The following DAB1 variants were observed in gnomAD, a reference collection of about 807,000 sequenced individuals.
DAB1 encodes DAB adaptor protein 1.
In DAB1, 15 loss-of-function variants were observed where a neutral mutation model predicts 64.6. That is an observed-to-expected ratio of 0.23 (90% confidence interval 0.16 to 0.36). The LOEUF is 0.36. Ranked by LOEUF, DAB1 falls within the 10% of genes least tolerant of loss-of-function variation. The probability of loss-of-function intolerance (pLI) is 1.00; values close to 1 mark genes in which losing one functional copy is unlikely to be tolerated. For missense variants in DAB1, 596 were observed against 706.7 expected, an observed-to-expected ratio of 0.84 and a Z score of 1.78; for synonymous variants, 235 against 251.9, an observed-to-expected ratio of 0.93 and a Z score of 0.64.
At chr1:58,269,070 T>C (rs1240029585) in intron 4 of DAB1, among the ~76,000 whole-genome samples, 2 of 151,602 alleles carry the variant, frequency 1.3e-5, no homozygotes, top group Non-Finnish European at 2.9e-5. Context: ...TTGTGCAGGT[T>C]AGTTACATAT....
intron 1 of DAB1, among the ~76,000 whole-genome samples, chr1:57,322,423 G>A (rs1273000265): frequency 6.6e-6 from 1 of 152,120 alleles, no homozygotes. Flanking sequence ...ATCAAGCTGA[G>A]TCTTCCCCAT....
In DAB1 at chr1:58,296,161, A is replaced by AG. The variant is rs1553173564; in HGVS notation, n.309+47190dup. 1.1e-3 allele frequency among the ~76,000 whole-genome samples: 115 copies of AG among 102,636 alleles called. 8 individuals carry two copies. The highest frequency in any genetic ancestry group is 1.6e-3 in the Admixed American group (15 of 9,404). The allele number at this position is 102,636 out of a possible 152,430, so 67.3% of individuals were successfully genotyped here. On this transcript the variant is annotated intron_variant and non_coding_transcript_variant, in intron 4 of 20. Transcript: ENST00000485760. ...AAGAAAGGAAAGAAAGAAAAAAGAA[A>AG]GAAAGAAAGAAAAAAGAAAGAAAGA... is the stretch of plus-strand genomic sequence containing the variant.
chr1:57,226,672 A>AATATATATATATATATAT (rs61660460), intron 2 of DAB1, among the ~76,000 whole-genome samples: 3 of 136,010 alleles, frequency 2.2e-5, no homozygotes, highest in Admixed American at 7.2e-5. Flanking sequence ...TTAAAAAAAA[A>AATATATATATATATATAT]ATATATATAT....
chr1:58,414,039 G>A (rs76973136), intron 3 of DAB1, among the ~76,000 whole-genome samples: 1,640 of 152,310 alleles, frequency 0.011, 35 homozygotes, highest in African/African-American at 0.037. Context: ...ATAGGCAATT[G>A]TAATACAGTG....
chr1:58,480,879 A>C (rs1164885993), intron 3 of DAB1: 1 of 684,996 alleles, frequency 1.5e-6, no homozygotes, highest in Non-Finnish European at 2.4e-6. Flanking sequence ...TTTTTTTTTC[A>C]CTTCAAACAT....
At chr1:57,192,898 T>TAGAAC (rs1473359445) in intron 2 of DAB1, among the ~76,000 whole-genome samples, 1 of 152,244 alleles carries the variant, frequency 6.6e-6, no homozygotes, top group African/African-American at 2.4e-5. Context: ...AATCTAATTC[T>TAGAAC]AGAACATTTC....
chr1:58,288,727 T>G (rs1661749910), intron 4 of DAB1, among the ~76,000 whole-genome samples: 1 of 152,212 alleles, frequency 6.6e-6, no homozygotes, highest in Admixed American at 6.5e-5. Context: ...CCTTATATTT[T>G]TGCTTCCCAT....
At chr1:58,123,971 T>C (rs1468154140) in intron 5 of DAB1, among the ~76,000 whole-genome samples, 3 of 152,038 alleles carry the variant, frequency 2.0e-5, no homozygotes, top group Non-Finnish European at 2.9e-5. Context: ...ATTATATGAA[T>C]TGTAGAAATG....
At chr1:58,381,917 ACC>A (rs1644393383) in intron 3 of DAB1, among the ~76,000 whole-genome samples, 3 of 152,124 alleles carry the variant, frequency 2.0e-5, no homozygotes, top group African/African-American at 7.2e-5. Context: ...ACTGAATGAC[ACC>A]ATCAAAGAAG....
chr1:58,125,629 G>A (rs1032020889), intron 5 of DAB1, among the ~76,000 whole-genome samples: 26 of 151,634 alleles, frequency 1.7e-4, no homozygotes, highest in South Asian at 2.1e-4. Flanking sequence ...AATGTTTTGC[G>A]GAGACAAGGT....
intron 1 of DAB1, among the ~76,000 whole-genome samples, chr1:57,359,811 A>G (rs1679403620): frequency 6.6e-6 from 1 of 152,118 alleles, no homozygotes; most frequent in African/African-American, 2.4e-5. Flanking sequence ...GCAGGACATC[A>G]TGTTAAGTGA....
intron 1 of DAB1, among the ~76,000 whole-genome samples, chr1:57,835,892 C>T (rs892811160): frequency 2.6e-5 from 4 of 152,180 alleles, no homozygotes; most frequent in Non-Finnish European, 4.4e-5. Flanking sequence ...TGCCCCATGA[C>T]GTTCATTAAC....
intron 2 of DAB1, among the ~76,000 whole-genome samples, chr1:57,253,531 A>T (rs1225570121): frequency 6.6e-6 from 1 of 152,168 alleles, no homozygotes; most frequent in Admixed American, 6.5e-5. Context: ...GAGAGTCCAG[A>T]GATAACGAAG....
chr1:57,328,671 A>G (rs1676389367), intron 1 of DAB1, among the ~76,000 whole-genome samples: 1 of 152,192 alleles, frequency 6.6e-6, no homozygotes, highest in Admixed American at 6.5e-5. Context: ...GGGAAGTGCC[A>G]TGCCATGATT....
chr1:57,025,981 G>A lies in DAB1; in HGVS notation c.786C>T (p.Pro262=), dbSNP rs138352976. ...MSTPPDITSP[P]TPATPGDAFI... Reference sequence around the variant, plus strand: ...GGTTCAGAGAGCAATGCATACTTACGGGGGGAGAGGTTATATCAGGGGGTG... The same window carrying A: ...GGTTCAGAGAGCAATGCATACTTACAGGGGGAGAGGTTATATCAGGGGGTG... Residue 262 remains proline, a splice_region_variant and synonymous_variant, in exon 10 of 15, where the codon CCC becomes CCT. Coordinates refer to ENST00000371236, the MANE Select transcript of DAB1 (RefSeq NM_001365792.1). 145 of 1,576,966 alleles carry A rather than the reference G, an allele frequency of 9.2e-5. No individual in the cohort carries two copies. Among genetic ancestry groups the A allele is most frequent in the Admixed American group, 1.1e-4 (6 of 52,966 alleles).
chr1:57,530,487 A>G (rs1204842967), intron 7 of DAB1, among the ~76,000 whole-genome samples: 1 of 151,986 alleles, frequency 6.6e-6, no homozygotes, highest in African/African-American at 2.4e-5. Context: ...ATCCAGTAGG[A>G]TCTTGTATTC....
At chr1:57,611,646 C>T (rs1274247733) in intron 7 of DAB1, among the ~76,000 whole-genome samples, 1 of 152,066 alleles carries the variant, frequency 6.6e-6, no homozygotes, top group Non-Finnish European at 1.5e-5. Context: ...AGCAAGTTAA[C>T]CTTTCCTGGT....
At chr1:58,490,486 A>G (rs1232857364) in intron 3 of DAB1, among the ~76,000 whole-genome samples, 2 of 152,174 alleles carry the variant, frequency 1.3e-5, no homozygotes, top group African/African-American at 2.4e-5. Context: ...TGAAAGTGAC[A>G]GGGAGAATGG....
intron 6 of DAB1, among the ~76,000 whole-genome samples, chr1:57,804,412 G>T (rs1350984496): frequency 1.3e-5 from 2 of 152,112 alleles, no homozygotes; most frequent in Non-Finnish European, 2.9e-5. Flanking sequence ...GGTCTGGATG[G>T]AGCTCTGGCC....
Sources: gnomAD v4.1 joint callset for allele counts (sites outside exome capture counted in the v4.1 genomes callset) on GRCh38, gnomAD v4.1.1 for gene constraint, MANE v1.5 for transcripts, NCBI Gene and HGNC (gene_info 2026-07-23, HGNC 2026-07-21) for gene names.